Variants in ZNF676 observed in about 807,000 individuals in gnomAD.
ZNF676 encodes zinc finger protein 676.
ZNF676 carries 4 observed loss-of-function variants against 6.0 expected under a neutral mutation model. The ratio of observed to expected loss-of-function variants is 0.67; its 90% CI spans 0.33 to 1.53. ZNF676 has a LOEUF of 1.53. Ranked by LOEUF, ZNF676 falls within the 40% of genes most tolerant of loss-of-function variation. The pLI is 0.06. For missense variants in ZNF676, 644 were observed against 679.7 expected (o/e 0.95, Z 0.58); for synonymous variants, 198 against 223.1 (o/e 0.89, Z 1.00).
chr19:22,203,497 T>C (rs1377600633), intron 1 of ZNF676: 1 of 152,174 alleles, frequency 6.6e-6, no homozygotes, highest in Non-Finnish European at 1.5e-5. Flanking sequence ...CCAGAAAATA[T>C]TTCCCTAAGA....
Position 22,181,534 on chromosome 19 carries a change from A to C in ZNF676, c.183T>G (p.Asp61Glu), listed in dbSNP as rs549335423. 2.7e-5 allele frequency: 43 copies of C among 1,610,232 alleles called. No individual in the cohort carries two copies. In the African/African-American group the frequency reaches 3.3e-4, roughly 12 times the overall value. ...TTCTCAATATCATTTTTTGGAAAGAATCTTCTATGCCTTGCTCTGGCCAAA... is the reference window on the plus strand; with the variant it reads ...TTCTCAATATCATTTTTTGGAAAGACTCTTCTATGCCTTGCTCTGGCCAAA... ...QEFWPEQGIE[D>E]SFQKMILRRY... Residue 61 changes from aspartate (D) to glutamate (E), a missense_variant, in exon 3 of 3, where the codon GAT becomes GAG. Physicochemically the swap from Asp to Glu is conservative, Grantham distance 45 (BLOSUM62 2). Coordinates refer to ENST00000397121, the MANE Select transcript of ZNF676 (RefSeq NM_001001411.3).
At position 22,181,604 on chromosome 19, in the gene ZNF676, TAAC is replaced by T. The variant is rs1314627793; in HGVS notation, c.131-21_131-19del. 2 of 1,494,240 alleles carry T rather than the reference TAAC, an allele frequency of 1.3e-6. No homozygotes were observed. The highest frequency in any genetic ancestry group is 1.4e-5 in the South Asian group (1 of 72,208). 92.6% of individuals were successfully genotyped at this position (1,494,240 alleles called of 1,614,324 possible). A position where few individuals can be genotyped will look rare whatever the true frequency, so the allele number is the denominator to read the frequency against. ...ACATATAACTGAAAAGAAATAAAAA[TAAC>T]AAATTAATCTACATATTAGACTCAG... On this transcript the variant is annotated intron_variant, in intron 2 of 2. Coordinates refer to ENST00000397121, the MANE Select transcript of ZNF676 (RefSeq NM_001001411.3).
At chr19:22,188,988 A>C (rs184147528) in intron 2 of ZNF676, among the ~76,000 whole-genome samples, 4 of 151,560 alleles carry the variant, frequency 2.6e-5, no homozygotes, top group Middle Eastern at 6.8e-3. Context: ...TTCTTCACAG[A>C]ATTAGAAAAA....
At chr19:22,218,097 T>G (rs1420053366), upstream of ZNF676, among the ~76,000 whole-genome samples, 1 of 152,228 alleles carries the variant, frequency 6.6e-6, no homozygotes, top group Non-Finnish European at 1.5e-5. Context: ...GTTCAGCATT[T>G]TTTTTTAATG....
At chr19:22,234,980 G>GAAAA in the ZNF676 span, among the ~76,000 whole-genome samples, 37 of 81,516 alleles carry the variant, frequency 4.5e-4, no homozygotes, top group Middle Eastern at 5.6e-3. Context: ...AAGAAAGAAA[G>GAAAA]AAAGAAAGAA....
the ZNF676 span, among the ~76,000 whole-genome samples, chr19:22,246,740 A>T: frequency 9.2e-5 from 14 of 152,352 alleles, 1 homozygote; most frequent in South Asian, 2.9e-3. Context: ...GAAGCGTTAC[A>T]TCACCTGTGT....
intron 1 of ZNF676, among the ~76,000 whole-genome samples, chr19:22,208,338 A>G (rs1256666395): frequency 1.3e-5 from 2 of 152,136 alleles, no homozygotes; most frequent in Admixed American, 6.5e-5. Context: ...GTGGCTAACA[A>G]GCATATAAAA....
the ZNF676 span, among the ~76,000 whole-genome samples, chr19:22,251,407 T>C: frequency 2.0e-5 from 3 of 152,198 alleles, no homozygotes; most frequent in Non-Finnish European, 4.4e-5. Context: ...TTTTCCCTGC[T>C]ATTTAGACTA....
intron 2 of ZNF676, 137 bp from the exon 3 acceptor site, chr19:22,181,723 T>C (rs1211994506): frequency 1.3e-5 from 8 of 612,570 alleles, no homozygotes; most frequent in South Asian, 3.3e-5. Flanking sequence ...TAATTCTTCA[T>C]AGATATATAA....
At chr19:22,204,877 A>C (rs1165369471) in intron 1 of ZNF676, among the ~76,000 whole-genome samples, 1 of 152,234 alleles carries the variant, frequency 6.6e-6, no homozygotes, top group Non-Finnish European at 1.5e-5. Flanking sequence ...TTCATTTCTA[A>C]TATGATTTAC....
intron 2 of ZNF676, among the ~76,000 whole-genome samples, chr19:22,182,593 A>AAACAAAAAACAAAAAAC (rs1555773383): frequency 3.3e-5 from 3 of 90,930 alleles, no homozygotes; most frequent in African/African-American, 9.0e-5. Context: ...TCTAAAAAAA[A>AAACAAAAAACAAAAAAC]AAAAAAAAAG....
upstream of ZNF676, among the ~76,000 whole-genome samples, chr19:22,197,875 G>C (rs1207859180): frequency 6.6e-6 from 1 of 152,070 alleles, no homozygotes. Context: ...CAGTATTACT[G>C]CTGAGATATT....
the ZNF676 span, among the ~76,000 whole-genome samples, chr19:22,228,534 G>C: frequency 6.6e-6 from 1 of 152,110 alleles, no homozygotes; most frequent in Non-Finnish European, 1.5e-5. Context: ...GAAATAATGA[G>C]TATTCAAATA....
chr19:22,211,095 CT>C (rs35954273), intron 1 of ZNF676, among the ~76,000 whole-genome samples: 65,571 of 145,018 alleles, frequency 0.45, 15,353 homozygotes, highest in African/African-American at 0.63. Flanking sequence ...CTTTGGAATT[CT>C]TTTTTTTTTT....
chr19:22,235,084 G>A, the ZNF676 span, among the ~76,000 whole-genome samples: 2 of 147,632 alleles, frequency 1.4e-5, no homozygotes, highest in African/African-American at 2.6e-5. Flanking sequence ...CAGGAAGGCA[G>A]GAAGGCAGGA....
At chr19:22,209,793 AG>A (rs1405052322) in intron 1 of ZNF676, among the ~76,000 whole-genome samples, 4 of 152,314 alleles carry the variant, frequency 2.6e-5, no homozygotes, top group South Asian at 2.1e-4. Context: ...TATGAATCCT[AG>A]GCTGGTGGAG....
rs185648876 is a variant in ZNF676, at chr19:22,184,878, T to C, written c.131-3292A>G. Among the ~76,000 whole-genome samples the C allele has an allele frequency of 6.1e-4, 74 of 122,108 alleles. 4 individuals are homozygous for C. The highest frequency in any genetic ancestry group is 3.2e-3 in the East Asian group (13 of 4,050). 80.1% of individuals were successfully genotyped at this position (122,108 alleles called of 152,430 possible). ...GGCAGCAGCCACAGTCGGGGGCATATAGTAAAAACACCCATCTCCCTGGGA... is the reference window on the plus strand; with the variant it reads ...GGCAGCAGCCACAGTCGGGGGCATACAGTAAAAACACCCATCTCCCTGGGA... On this transcript the variant is annotated intron_variant, in intron 2 of 2. Transcript: ENST00000397121.
At chr19:22,186,906 A>C (rs966009564) in intron 2 of ZNF676, among the ~76,000 whole-genome samples, 19 of 152,188 alleles carry the variant, frequency 1.2e-4, no homozygotes, top group African/African-American at 3.1e-4. Flanking sequence ...ACCTACAAAG[A>C]AACTTAGATT....
intron 1 of ZNF676, among the ~76,000 whole-genome samples, chr19:22,212,592 C>A (rs377436896): frequency 2.6e-5 from 4 of 152,190 alleles, no homozygotes; most frequent in African/African-American, 9.6e-5. Flanking sequence ...GTAGTCCCAG[C>A]TGCTTGGGAG....
Sources: gnomAD v4.1 joint callset for allele counts (sites outside exome capture counted in the v4.1 genomes callset) on GRCh38, gnomAD v4.1.1 for gene constraint, MANE v1.5 for transcripts, NCBI Gene and HGNC (gene_info 2026-07-23, HGNC 2026-07-21) for gene names.